ASTN2: variants seen among roughly 807,000 people sequenced by gnomAD.
The protein encoded by ASTN2 is astrotactin-2.
Under a neutral mutation model 139.8 loss-of-function variants are expected in ASTN2, and 54 were observed. That is an observed-to-expected ratio of 0.39 (90% CI 0.31 to 0.48). The LOEUF (loss-of-function observed/expected upper bound fraction) is 0.48. Ranked by LOEUF, ASTN2 falls within the 20% of genes least tolerant of loss-of-function variation. ASTN2 has a pLI of 0.95. For missense variants in ASTN2, 1,565 were observed against 1,725.1 expected, an observed-to-expected ratio of 0.91 and a Z score of 1.64; for synonymous variants, 756 against 719.5, an observed-to-expected ratio of 1.05 and a Z score of -0.81.
intron 3 of ASTN2, among the ~76,000 whole-genome samples, chr9:117,178,515 A>G (rs1298109544): frequency 6.6e-6 from 1 of 152,192 alleles, no homozygotes; most frequent in African/African-American, 2.4e-5. Flanking sequence ...AGGCCAGCAT[A>G]GACAAAAATC....
chr9:116,733,062 G>C (rs1161594389), intron 14 of ASTN2, among the ~76,000 whole-genome samples: 1 of 152,176 alleles, frequency 6.6e-6, no homozygotes, highest in Non-Finnish European at 1.5e-5. Context: ...ACTAACAGTG[G>C]AAAAATACCA....
chr9:116,531,674 G>A (rs1053522463), intron 19 of ASTN2, among the ~76,000 whole-genome samples: 9 of 152,050 alleles, frequency 5.9e-5, no homozygotes, highest in African/African-American at 1.2e-4. Context: ...CTTCATCCAC[G>A]TTCCTACAAA....
At chr9:116,780,609 C>G (rs1830192664) in intron 13 of ASTN2, among the ~76,000 whole-genome samples, 1 of 152,092 alleles carries the variant, frequency 6.6e-6, no homozygotes, top group Admixed American at 6.6e-5. Context: ...CTGAAGGGGG[C>G]TTAGGATTGA....
At chr9:116,427,838 C>T (rs549236869) in intron 22 of ASTN2, among the ~76,000 whole-genome samples, 1 of 152,248 alleles carries the variant, frequency 6.6e-6, no homozygotes, top group East Asian at 1.9e-4. Context: ...CAAGTGCCCC[C>T]CCCAAGAGGA....
At chr9:116,788,878 C>T (rs534279584) in intron 13 of ASTN2, among the ~76,000 whole-genome samples, 316 of 152,110 alleles carry the variant, frequency 2.1e-3, no homozygotes, top group South Asian at 0.018. Flanking sequence ...AACATTAGAC[C>T]GAGTTTTGTT....
chr9:117,313,036 T>G (rs965662267), intron 1 of ASTN2, among the ~76,000 whole-genome samples: 2 of 152,232 alleles, frequency 1.3e-5, no homozygotes, highest in African/African-American at 4.8e-5. Flanking sequence ...CTTTCCTTCT[T>G]TCTGCCTAAT....
At chr9:117,133,941 A>G (rs904112333) in intron 4 of ASTN2, among the ~76,000 whole-genome samples, 1 of 152,112 alleles carries the variant, frequency 6.6e-6, no homozygotes, top group African/African-American at 2.4e-5. Context: ...GTGTCTATCC[A>G]GTCCTCCTTG....
chr9:117,091,018 T>C (rs1415077954), intron 5 of ASTN2, among the ~76,000 whole-genome samples: 1 of 152,194 alleles, frequency 6.6e-6, no homozygotes, highest in Non-Finnish European at 1.5e-5. Context: ...AGTGTGCTTT[T>C]CACCACCAAG....
At chr9:117,031,453 C>T (rs544732512) in intron 6 of ASTN2, among the ~76,000 whole-genome samples, 133 of 152,122 alleles carry the variant, frequency 8.7e-4, no homozygotes, top group Non-Finnish European at 1.6e-3. Context: ...TCAGTGAAAG[C>T]CTTTTAGCGG....
chr9:117,005,079 G>A (rs948787448), intron 7 of ASTN2, among the ~76,000 whole-genome samples: 7 of 57,032 alleles, frequency 1.2e-4, no homozygotes, highest in East Asian at 7.3e-4. Context: ...ACCTGTAGTC[G>A]ATTTTTTTTT....
chr9:117,174,923 T>A (rs1425914322), intron 3 of ASTN2, among the ~76,000 whole-genome samples: 2 of 151,994 alleles, frequency 1.3e-5, no homozygotes, highest in African/African-American at 4.8e-5. Flanking sequence ...TACAAGAAAA[T>A]GGCATGCTCT....
rs766501397 is a variant in ASTN2, at chr9:116,774,138, T to G, written c.2396+31494A>C. On this transcript the variant is annotated intron_variant, in intron 13 of 22. Coordinates refer to ENST00000313400, the MANE Select transcript of ASTN2 (RefSeq NM_001365068.1). ...TGCAGCAGACTCCTCAGTATTCATCTGTATCTCTCTGGAAGGGACTCTTCA... is the reference window on the plus strand; with the variant it reads ...TGCAGCAGACTCCTCAGTATTCATCGGTATCTCTCTGGAAGGGACTCTTCA... Among the ~76,000 whole-genome samples the G allele has an allele frequency of 8.3e-4, 126 of 152,220 alleles. 3 individuals are homozygous for G. The highest frequency in any genetic ancestry group is 3.9e-4 in the Admixed American group (6 of 15,280).
intron 1 of ASTN2, among the ~76,000 whole-genome samples, chr9:117,312,648 T>C (rs1438406733): frequency 6.6e-6 from 1 of 152,192 alleles, no homozygotes; most frequent in Non-Finnish European, 1.5e-5. Flanking sequence ...GCCTGAGGTT[T>C]GGGATTCTCT....
chr9:117,164,979 C>G (rs1830636451), intron 3 of ASTN2, among the ~76,000 whole-genome samples: 1 of 152,068 alleles, frequency 6.6e-6, no homozygotes, highest in Non-Finnish European at 1.5e-5. Context: ...ACCTGCAGCT[C>G]TAGAAGGCTA....
At chr9:116,874,740 G>A (rs1411582974) in intron 10 of ASTN2, among the ~76,000 whole-genome samples, 3 of 152,130 alleles carry the variant, frequency 2.0e-5, no homozygotes, top group African/African-American at 4.8e-5. Flanking sequence ...ACACAGCCTC[G>A]TTTTATTGTA....
chr9:116,998,085 A>C (rs556323469), intron 7 of ASTN2, among the ~76,000 whole-genome samples: 24 of 152,190 alleles, frequency 1.6e-4, no homozygotes, highest in Non-Finnish European at 3.1e-4. Flanking sequence ...ATATTTTAAA[A>C]AGCTTAATTC....
chr9:117,104,613 T>C (rs1227896684), intron 4 of ASTN2, among the ~76,000 whole-genome samples: 1 of 152,200 alleles, frequency 6.6e-6, no homozygotes, highest in Non-Finnish European at 1.5e-5. Flanking sequence ...ACACATAAAA[T>C]ATATGTAAAT....
intron 17 of ASTN2, among the ~76,000 whole-genome samples, chr9:116,629,632 A>G (rs1406297004): frequency 6.6e-6 from 1 of 152,156 alleles, no homozygotes; most frequent in Non-Finnish European, 1.5e-5. Flanking sequence ...CCCAATTCCT[A>G]TATAAGAAAT....
intron 2 of ASTN2, among the ~76,000 whole-genome samples, chr9:117,280,219 T>A (rs559673794): frequency 6.6e-6 from 1 of 152,338 alleles, no homozygotes; most frequent in Non-Finnish European, 1.5e-5. Flanking sequence ...AATGACATTG[T>A]CCTTATCAGT....
Sources: allele counts gnomAD v4.1 joint callset (sites outside exome capture counted in the v4.1 genomes callset), GRCh38; gene constraint gnomAD v4.1.1; transcripts MANE v1.5; gene names NCBI Gene and HGNC (gene_info 2026-07-23, HGNC 2026-07-21).